Variants in PPFIA1 observed in about 807,000 individuals in gnomAD.
The protein encoded by PPFIA1 is liprin-alpha-1.
Under a neutral mutation model 149.9 loss-of-function variants are expected in PPFIA1, and 25 were observed. That is an observed-to-expected ratio of 0.17 (90% confidence interval 0.12 to 0.23). PPFIA1 has a LOEUF of 0.23. Ranked by LOEUF, PPFIA1 falls within the 10% of genes least tolerant of loss-of-function variation. PPFIA1 has a pLI of 1.00. For missense variants in PPFIA1, 1,362 were observed against 1,506.5 expected (o/e 0.90, Z 1.59); for synonymous variants, 549 against 552.8 (o/e 0.99, Z 0.10).
intron 9 of PPFIA1, 31 bp downstream of exon 9, chr11:70,332,125 T>C (rs1216004493): frequency 6.4e-7 from 1 of 1,559,414 alleles, no homozygotes; most frequent in Middle Eastern, 1.9e-4. Context: ...CTGGTTCGGC[T>C]GCCAGGCCTG....
chr11:70,311,788 A>G (rs1194465557), intron 2 of PPFIA1, among the ~76,000 whole-genome samples: 1 of 138,906 alleles, frequency 7.2e-6, no homozygotes, highest in African/African-American at 2.7e-5. Flanking sequence ...GACATGTTTG[A>G]GGTTGGAAGG....
At chr11:70,273,035 T>G (rs2050182899) in intron 2 of PPFIA1, among the ~76,000 whole-genome samples, 1 of 152,184 alleles carries the variant, frequency 6.6e-6, no homozygotes, top group African/African-American at 2.4e-5. Context: ...CCCAGCACTC[T>G]GGGAGGCTGA....
chr11:70,338,236 C>T, intron 12 of PPFIA1, 138 bp from the exon 13 acceptor site: 1 of 664,702 alleles, frequency 1.5e-6, no homozygotes, highest in Non-Finnish European at 2.6e-6. Flanking sequence ...GAAAATTTTC[C>T]CAGAATTAAA....
At chr11:70,376,161 G>C (rs1000758699) in intron 24 of PPFIA1, among the ~76,000 whole-genome samples, 2 of 152,176 alleles carry the variant, frequency 1.3e-5, no homozygotes, top group Non-Finnish European at 2.9e-5. Flanking sequence ...GCTTATTTTT[G>C]TATTTTTAGT....
Position 70,383,139 on chromosome 11 carries a change from A to G in PPFIA1, c.*149A>G. The G allele has an allele frequency of 5.5e-6, 2 of 365,512 alleles. No individual in the cohort carries two copies. The highest frequency in any genetic ancestry group is 1.0e-5 in the Non-Finnish European group (2 of 195,204). The allele number at this position is 365,512 out of a possible 1,614,324, so 22.6% of individuals were successfully genotyped here. A position where few individuals can be genotyped will look rare whatever the true frequency, so the allele number is the denominator to read the frequency against. ...AAGATATTTTATTACAGAGTTTTTA[A>G]TTAGTGAAAAATTCATGAATACCAT... is the stretch of plus-strand genomic sequence containing the variant. On this transcript the variant is annotated 3_prime_UTR_variant, in exon 28 of 28. Transcript: ENST00000253925.
chr11:70,359,477 T>C (rs113303133), intron 19 of PPFIA1, among the ~76,000 whole-genome samples: 2,549 of 152,234 alleles, frequency 0.017, 64 homozygotes, highest in African/African-American at 0.057. Flanking sequence ...GGTGTTTTTT[T>C]ATGGGTTTTG....
intron 2 of PPFIA1, among the ~76,000 whole-genome samples, chr11:70,290,671 T>G (rs566301040): frequency 3.5e-4 from 53 of 152,352 alleles, no homozygotes; most frequent in Non-Finnish European, 6.9e-4. Flanking sequence ...AATTTCATTT[T>G]ACTCTGAAAA....
At chr11:70,326,153 ACT>A in intron 5 of PPFIA1, 107 bp from the exon 6 acceptor site, 1 of 644,118 alleles carries the variant, frequency 1.6e-6, no homozygotes, top group Non-Finnish European at 2.7e-6. Flanking sequence ...TCTCTTTTAT[ACT>A]ATGTTAAGCA....
intron 14 of PPFIA1, among the ~76,000 whole-genome samples, chr11:70,342,652 T>A (rs556145994): frequency 7.7e-4 from 118 of 152,308 alleles, no homozygotes; most frequent in African/African-American, 2.8e-3. Flanking sequence ...TAGAGGGAAC[T>A]TGAAAACACT....
intron 21 of PPFIA1, chr11:70,362,778 T>C (rs747166278): frequency 1.1e-4 from 27 of 235,460 alleles, no homozygotes; most frequent in Non-Finnish European, 2.0e-4. Flanking sequence ...TATGGAAATA[T>C]GAAATACGAA....
At chr11:70,379,570 A>G (rs1276396459) in intron 26 of PPFIA1, among the ~76,000 whole-genome samples, 1 of 151,954 alleles carries the variant, frequency 6.6e-6, no homozygotes, top group African/African-American at 2.4e-5. Flanking sequence ...CTTGAGCTGA[A>G]GTTTGAGACT....
chr11:70,310,720 C>T (rs914861209), intron 2 of PPFIA1, among the ~76,000 whole-genome samples: 5 of 152,080 alleles, frequency 3.3e-5, no homozygotes, highest in Admixed American at 6.6e-5. Flanking sequence ...GGCTTTTTTC[C>T]TCTTTTTCTC....
chr11:70,278,274 C>T (rs1304242656), intron 2 of PPFIA1, among the ~76,000 whole-genome samples: 3 of 151,648 alleles, frequency 2.0e-5, no homozygotes, highest in African/African-American at 7.3e-5. Flanking sequence ...TTGGCTCAAG[C>T]AGCTGCCTGC....
At chr11:70,375,201 A>AC in intron 24 of PPFIA1, 108 bp downstream of exon 24, 2 of 375,680 alleles carry the variant, frequency 5.3e-6, no homozygotes, top group Non-Finnish European at 7.7e-6. Flanking sequence ...AAAAAAAAAA[A>AC]ACTTCAGACA....
At chr11:70,381,609 C>A (rs1327177746) in intron 26 of PPFIA1, among the ~76,000 whole-genome samples, 1 of 152,192 alleles carries the variant, frequency 6.6e-6, no homozygotes, top group African/African-American at 2.4e-5. Flanking sequence ...TCTCTCCCTC[C>A]TCTTAGACTG....
chr11:70,317,663 G>C (rs2053713754), intron 2 of PPFIA1, among the ~76,000 whole-genome samples: 1 of 152,148 alleles, frequency 6.6e-6, no homozygotes, highest in Non-Finnish European at 1.5e-5. Context: ...AAAAAGGCTT[G>C]CTGCTGGTGC....
chr11:70,273,537 C>T (rs2050217141), intron 2 of PPFIA1, among the ~76,000 whole-genome samples: 1 of 152,132 alleles, frequency 6.6e-6, no homozygotes, highest in African/African-American at 2.4e-5. Context: ...CATAAGCACA[C>T]ATTTATACTC....
intron 10 of PPFIA1, 28 bp downstream of exon 10, chr11:70,333,581 C>T (rs1490508716): frequency 1.3e-5 from 20 of 1,572,364 alleles, no homozygotes; most frequent in African/African-American, 1.1e-4. Flanking sequence ...AGGGTGGGGG[C>T]GCTGAGTGGG....
chr11:70,314,498 CTTAAAAA>C (rs922755148), intron 2 of PPFIA1, among the ~76,000 whole-genome samples: 2 of 152,132 alleles, frequency 1.3e-5, no homozygotes, highest in East Asian at 1.9e-4. Flanking sequence ...GCAATACAGA[CTTAAAAA>C]TTAAAACAAA....
Sources: allele counts gnomAD v4.1 joint callset (sites outside exome capture counted in the v4.1 genomes callset), GRCh38; gene constraint gnomAD v4.1.1; transcripts MANE v1.5; gene names NCBI Gene and HGNC (gene_info 2026-07-23, HGNC 2026-07-21).